DNAH17: variants seen among roughly 807,000 people sequenced by gnomAD.
DNAH17 encodes axonemal beta dynein heavy chain 17.
DNAH17 carries 376 observed loss-of-function variants against 485.6 expected under a neutral mutation model. The ratio of observed to expected loss-of-function variants is 0.77; its 90% CI spans 0.71 to 0.84. The LOEUF (loss-of-function observed/expected upper bound fraction) is 0.84. DNAH17 is among the 40% of genes least tolerant of loss of function. The pLI, the probability that DNAH17 is intolerant of heterozygous loss-of-function variation, is 0.00. For missense variants in DNAH17, 6,370 were observed against 5,839.3 expected (o/e 1.09, Z -2.96); for synonymous variants, 3,031 against 2,405.9 (o/e 1.26, Z -7.60).
In DNAH17 at chr17:78,487,400, G is replaced by A. The variant is rs2089659226; in HGVS notation, c.6819-894C>T. Among the ~76,000 whole-genome samples, 4 of 152,222 alleles carry A rather than the reference G, an allele frequency of 2.6e-5. No homozygotes were observed. The South Asian group carries it at 6.2e-4, about 24-fold the overall frequency. ...TCTGCTGAAAGCATCACTAGTGCCT[G>A]GCCCCCTCGAGTGCCAGTGAGCTCA... On this transcript the variant is annotated intron_variant, in intron 44 of 80. Coordinates refer to ENST00000389840, the MANE Select transcript of DNAH17 (RefSeq NM_173628.4).
chr17:78,501,925 G>T (rs1043959274), intron 33 of DNAH17, 52 bp from the exon 34 acceptor site: 88 of 1,606,364 alleles, frequency 5.5e-5, no homozygotes, highest in Non-Finnish European at 7.2e-5. Flanking sequence ...ACATGCACTG[G>T]GGGGTCTTGT....
At chr17:78,430,654 C>T (rs1202007471) in intron 75 of DNAH17, among the ~76,000 whole-genome samples, 1 of 152,052 alleles carries the variant, frequency 6.6e-6, no homozygotes, top group Non-Finnish European at 1.5e-5. Context: ...AGTCTCTGCT[C>T]ACTGAAACTT....
chr17:78,544,637 C>G lies in DNAH17; in HGVS notation c.2392-640G>C, dbSNP rs111463298. Among the ~76,000 whole-genome samples, 285 of 151,972 alleles carry G rather than the reference C, an allele frequency of 1.9e-3. 1 individual carries two copies. The highest frequency in any genetic ancestry group is 6.5e-3 in the African/African-American group (268 of 41,436). ...CTAACACGGTGAAACCCTGTCTCTA[C>G]TAAAAATACAAAAAATTAGCCGCGC... On this transcript the variant is annotated intron_variant, in intron 16 of 80. Coordinates refer to ENST00000389840, the MANE Select transcript of DNAH17 (RefSeq NM_173628.4).
intron 32 of DNAH17, 84 bp downstream of exon 32, chr17:78,502,802 G>A: frequency 1.9e-6 from 3 of 1,589,134 alleles, no homozygotes; most frequent in South Asian, 1.1e-5. Context: ...GGGGACCACA[G>A]TTAACAGCGG....
chr17:78,545,319 G>GTA (rs1278849464), intron 16 of DNAH17, among the ~76,000 whole-genome samples: 1 of 152,150 alleles, frequency 6.6e-6, no homozygotes, highest in Admixed American at 6.6e-5. Context: ...AACGCGTTCT[G>GTA]TATATGTCTT....
rs765199219 is a variant in DNAH17 at position 78,441,063 on chromosome 17, C to A, written c.11665G>T (p.Val3889Leu). The A allele has an allele frequency of 9.4e-6, 15 of 1,594,792 alleles. No homozygotes were observed. The South Asian group carries it at 1.6e-4, about 17-fold the overall frequency. ...CTGCTACACTTACCCAGGGCTTCCA[C>A]GTCTTTCAAGGGGTCAACCCCCGGG... ...LSPGVDPLKD[V>L]EALGKKLGFT... The change falls in exon 72 of 81, where the codon GTG (valine) becomes TTG (leucine). Residue 3889 changes from valine to leucine, a missense_variant. By Grantham distance (32) the Val-to-Leu change is conservative. Coordinates refer to ENST00000389840, the MANE Select transcript of DNAH17 (RefSeq NM_173628.4).
At chr17:78,431,626 G>A (rs894910041) in intron 75 of DNAH17, among the ~76,000 whole-genome samples, 3 of 152,116 alleles carry the variant, frequency 2.0e-5, no homozygotes, top group East Asian at 3.9e-4. Context: ...GGACACAGAT[G>A]ACATCATTCC....
intron 44 of DNAH17, among the ~76,000 whole-genome samples, chr17:78,487,576 G>A (rs1275783818): frequency 2.0e-5 from 3 of 152,306 alleles, no homozygotes; most frequent in South Asian, 2.1e-4. Context: ...TTGCTCTGTA[G>A]TGCAGGGGTG....
chr17:78,558,970 T>G (rs1266539662), intron 13 of DNAH17, among the ~76,000 whole-genome samples: 1 of 152,220 alleles, frequency 6.6e-6, no homozygotes, highest in African/African-American at 2.4e-5. Flanking sequence ...CCTCCTGGCT[T>G]CCAGGACACT....
intron 24 of DNAH17, 76 bp from the exon 25 acceptor site, chr17:78,525,237 C>A: frequency 6.5e-7 from 1 of 1,549,806 alleles, no homozygotes; most frequent in South Asian, 1.2e-5. Context: ...GACGTTCTGC[C>A]CGTCTCTCCA....
chr17:78,432,883 C>A lies in DNAH17; in HGVS notation c.12225+1146G>T, dbSNP rs74001324. Reference sequence around the variant, plus strand: ...GCTGGAGGTCTCAGTGAATGAGTAGCAGAGCAGGCTTCAAACGTGCCCCCC... The same window carrying A: ...GCTGGAGGTCTCAGTGAATGAGTAGAAGAGCAGGCTTCAAACGTGCCCCCC... On this transcript the variant is annotated intron_variant, in intron 75 of 80. Transcript: ENST00000389840. Among the ~76,000 whole-genome samples, 428 of 140,412 alleles carry A rather than the reference C, an allele frequency of 3.0e-3. 2 individuals are homozygous for A. Among genetic ancestry groups the A allele is most frequent in the African/African-American group, 0.011 (411 of 36,380 alleles). The allele number at this position is 140,412 out of a possible 152,430, so 92.1% of individuals were successfully genotyped here.
chr17:78,566,894 G>A lies in DNAH17; in HGVS notation c.1452+105C>T, dbSNP rs960828138. ...GTTTTCAAAGTGTTGGGATCACCTG[G>A]CACCTGCTTCCTCCGTGTGCCCTCC... On this transcript the variant is annotated intron_variant, in intron 10 of 80. Coordinates refer to ENST00000389840, the MANE Select transcript of DNAH17 (RefSeq NM_173628.4). 4.3e-6 allele frequency: 6 copies of A among 1,407,568 alleles called. No individual in the cohort carries two copies. In the African/African-American group the frequency reaches 7.2e-5, roughly 17 times the overall value. The allele number at this position is 1,407,568 out of a possible 1,614,324, so 87.2% of individuals were successfully genotyped here. A position where few individuals can be genotyped will look rare whatever the true frequency, so the allele number is the denominator to read the frequency against.
In DNAH17 at chr17:78,484,891, C is replaced by T. The variant is rs1452234935; in HGVS notation, c.7626G>A (p.Arg2542=). Residue 2542 remains arginine, a synonymous_variant, in exon 48 of 81, where the codon CGG becomes CGA. Transcript: ENST00000389840. ...ACCAGTGCCGGTGGTCCATGTGCTG[C>T]CGGATGAGGGTGTGCGGGGCCACCG... ...YGTVAPHTLI[R]QHMDHRHWYD... 1.3e-6 allele frequency: 2 copies of T among 1,577,780 alleles called. No homozygotes were observed. The highest frequency in any genetic ancestry group is 1.9e-5 in the Admixed American group (1 of 53,794).
intron 2 of DNAH17, among the ~76,000 whole-genome samples, chr17:78,573,219 T>A (rs775703541): frequency 7.2e-5 from 11 of 152,064 alleles, no homozygotes; most frequent in Non-Finnish European, 1.6e-4. Context: ...CTGTGATGGG[T>A]CAAACTGTGT....
chr17:78,482,662 TGCGG>T (rs2089403587), intron 48 of DNAH17, among the ~76,000 whole-genome samples: 1 of 152,186 alleles, frequency 6.6e-6, no homozygotes, highest in African/African-American at 2.4e-5. Context: ...ACCCTTTCCC[TGCGG>T]GCCCATCCTT....
At chr17:78,524,957 C>A in intron 25 of DNAH17, 52 bp downstream of exon 25, 2 of 1,564,448 alleles carry the variant, frequency 1.3e-6, no homozygotes, top group Non-Finnish European at 1.7e-6. Context: ...TTGCCGGGGG[C>A]AGCTCCCTGC....
chr17:78,514,663 T>C, intron 26 of DNAH17, 111 bp downstream of exon 26: 1 of 1,421,054 alleles, frequency 7.0e-7, no homozygotes, highest in Non-Finnish European at 9.4e-7. Context: ...CCACATTGGC[T>C]TTACCAGCAT....
intron 67 of DNAH17, 23 bp from the exon 68 acceptor site, chr17:78,450,417 T>A: frequency 6.2e-7 from 1 of 1,612,942 alleles, no homozygotes; most frequent in Non-Finnish European, 8.5e-7. Context: ...AAAAGGGGTG[T>A]GAATGACACA....
At position 78,431,690 on chromosome 17, in the gene DNAH17, C is replaced by T. The variant is rs373510573; in HGVS notation, c.12225+2339G>A. 9.9e-5 allele frequency among the ~76,000 whole-genome samples: 15 copies of T among 152,024 alleles called. 1 individual carries two copies. In the East Asian group the frequency reaches 1.2e-3, roughly 12 times the overall value. Reference sequence around the variant, plus strand: ...TGTGCCATGAAGGGAATATGGGAGCCGGTGGGGAGTCTGTGGAGGGGGAGG... The same window carrying T: ...TGTGCCATGAAGGGAATATGGGAGCTGGTGGGGAGTCTGTGGAGGGGGAGG... On this transcript the variant is annotated intron_variant, in intron 75 of 80. Transcript: ENST00000389840.
Sources: allele counts gnomAD v4.1 joint callset (sites outside exome capture counted in the v4.1 genomes callset), GRCh38; gene constraint gnomAD v4.1.1; transcripts MANE v1.5; gene names NCBI Gene and HGNC (gene_info 2026-07-23, HGNC 2026-07-21).